MGAT4C: variants seen among roughly 807,000 people sequenced by gnomAD.
MGAT4C encodes alpha-1,3-mannosyl-glycoprotein 4-beta-N-acetylglucosaminyltransferase C.
A neutral mutation model predicts 40.1 loss-of-function variants in MGAT4C; 19 were observed. The observed-to-expected ratio is 0.47, with a 90% confidence interval of 0.33 to 0.70. The LOEUF (loss-of-function observed/expected upper bound fraction) is 0.70, where lower values mean the gene tolerates loss of function less well. Ranked by LOEUF, MGAT4C falls within the 30% of genes least tolerant of loss-of-function variation. The probability of loss-of-function intolerance (pLI) is 0.02; values close to 1 mark genes in which losing one functional copy is unlikely to be tolerated. For missense variants in MGAT4C, 491 were observed against 563.2 expected (o/e 0.87, Z 1.30); for synonymous variants, 181 against 187.1 (o/e 0.97, Z 0.27).
chr12:86,190,301 G>A (rs899451001), intron 1 of MGAT4C, among the ~76,000 whole-genome samples: 3 of 152,058 alleles, frequency 2.0e-5, no homozygotes, highest in African/African-American at 7.2e-5. Context: ...GAAAGATTAT[G>A]TCATTCAATA....
intron 1 of MGAT4C, among the ~76,000 whole-genome samples, chr12:86,812,419 ATTTG>A (rs924073830): frequency 6.6e-6 from 1 of 151,528 alleles, no homozygotes; most frequent in African/African-American, 2.4e-5. Flanking sequence ...ATATTTGTGG[ATTTG>A]TTTTTTACTT....
intron 2 of MGAT4C, among the ~76,000 whole-genome samples, chr12:86,491,339 C>A (rs1030339667): frequency 6.6e-6 from 1 of 151,644 alleles, no homozygotes; most frequent in African/African-American, 2.4e-5. Flanking sequence ...AGAGACACAA[C>A]CAAAAAAAAG....
At chr12:86,390,181 T>C (rs1956138529) in intron 3 of MGAT4C, among the ~76,000 whole-genome samples, 1 of 152,180 alleles carries the variant, frequency 6.6e-6, no homozygotes, top group Admixed American at 6.5e-5. Flanking sequence ...GAGACACTGT[T>C]GACTCACAGC....
chr12:86,171,052 T>C (rs868628593), intron 1 of MGAT4C, among the ~76,000 whole-genome samples: 4 of 151,774 alleles, frequency 2.6e-5, no homozygotes, highest in African/African-American at 9.7e-5. Flanking sequence ...CTTTTCAATA[T>C]CCATGATGCA....
chr12:86,470,428 G>A (rs1029509317), intron 2 of MGAT4C, among the ~76,000 whole-genome samples: 3 of 152,078 alleles, frequency 2.0e-5, no homozygotes, highest in African/African-American at 7.2e-5. Context: ...AAGGATGAGA[G>A]AGAAATAAGA....
Position 86,561,812 on chromosome 12 carries a change from G to A in MGAT4C, c.-228-126547C>T, listed in dbSNP as rs377748433. Among the ~76,000 whole-genome samples, 11 of 152,168 alleles carry A rather than the reference G, an allele frequency of 7.2e-5. No homozygotes were observed. The East Asian group carries it at 7.7e-4, about 11-fold the overall frequency. ...ACTAATACAGATTTTGGTACCAGGC[G>A]TGTTTCTAGAGAAACCAACTTTTAA... On this transcript the variant is annotated intron_variant, in intron 2 of 7. Transcript: ENST00000548651.
rs1290451806 is a variant in MGAT4C, at chr12:86,110,270, ATATATATAGTC to A, written c.-56-60558_-56-60548del. ...CAATAAATGAATATATATATAGACT[ATATATATAGTC>A]TATATATATATAGTCTCTCTATATA... is the stretch of plus-strand genomic sequence containing the variant. On this transcript the variant is annotated intron_variant, in intron 1 of 4. Coordinates refer to ENST00000611864, the MANE Select transcript of MGAT4C (RefSeq NM_001351288.2). Among the ~76,000 whole-genome samples the A allele has an allele frequency of 1.6e-4, 13 of 82,348 alleles. 1 individual carries two copies. Among genetic ancestry groups the A allele is most frequent in the African/African-American group, 6.5e-4 (12 of 18,592 alleles). The allele number at this position is 82,348 out of a possible 152,430, so 54.0% of individuals were successfully genotyped here. A position where few individuals can be genotyped will look rare whatever the true frequency, so the allele number is the denominator to read the frequency against.
intron 2 of MGAT4C, among the ~76,000 whole-genome samples, chr12:86,584,984 T>C (rs1330542496): frequency 1.3e-5 from 2 of 151,418 alleles, no homozygotes; most frequent in African/African-American, 2.4e-5. Context: ...CCATGTGTAT[T>C]TGTCAATTAG....
intron 3 of MGAT4C, among the ~76,000 whole-genome samples, chr12:86,336,509 T>C (rs1309153382): frequency 1.3e-5 from 2 of 152,170 alleles, no homozygotes; most frequent in Non-Finnish European, 2.9e-5. Context: ...ACAAGACTGA[T>C]ACAAATAATT....
Position 86,297,179 on chromosome 12 carries a change from A to G in MGAT4C, c.-57+36886T>C, listed in dbSNP as rs149725293. On this transcript the variant is annotated intron_variant, in intron 4 of 7. Transcript: ENST00000548651. The stretch of plus-strand genomic sequence containing the variant: ...GTAATACTTTATTTTCACCATTGAC[A>G]AGGTGACTTAGGCTTTCGAATCCTA... Among the ~76,000 whole-genome samples, 266 of 152,310 alleles carry G rather than the reference A, an allele frequency of 1.7e-3. 4 individuals are homozygous for G. The highest frequency in any genetic ancestry group is 6.1e-3 in the African/African-American group (253 of 41,572).
At chr12:86,358,423 C>G (rs985758116) in intron 3 of MGAT4C, among the ~76,000 whole-genome samples, 3 of 152,078 alleles carry the variant, frequency 2.0e-5, no homozygotes, top group African/African-American at 7.2e-5. Flanking sequence ...CATCAACTAA[C>G]AAGCAAAATA....
At chr12:86,244,659 G>A (rs1199542597) in intron 1 of MGAT4C, among the ~76,000 whole-genome samples, 1 of 152,086 alleles carries the variant, frequency 6.6e-6, no homozygotes, top group African/African-American at 2.4e-5. Flanking sequence ...AGAAGGCAAT[G>A]GTCAATTTAA....
intron 4 of MGAT4C, among the ~76,000 whole-genome samples, chr12:86,284,076 A>T (rs1468922613): frequency 6.6e-6 from 1 of 152,080 alleles, no homozygotes; most frequent in Non-Finnish European, 1.5e-5. Flanking sequence ...TCTAAGCTAA[A>T]TGCACTGGCT....
chr12:86,473,962 AT>A (rs1342914997), intron 2 of MGAT4C, among the ~76,000 whole-genome samples: 1 of 152,054 alleles, frequency 6.6e-6, no homozygotes, highest in African/African-American at 2.4e-5. Context: ...GAAAAGCAAG[AT>A]TGTGTCACAG....
chr12:86,799,055 G>T (rs1259796392), intron 1 of MGAT4C, among the ~76,000 whole-genome samples: 1 of 151,742 alleles, frequency 6.6e-6, no homozygotes, highest in Non-Finnish European at 1.5e-5. Context: ...AGCAAAGTCT[G>T]TTATATATTA....
intron 1 of MGAT4C, among the ~76,000 whole-genome samples, chr12:86,769,112 C>A (rs1290422179): frequency 2.0e-5 from 3 of 152,148 alleles, no homozygotes; most frequent in Non-Finnish European, 4.4e-5. Flanking sequence ...TTTCTGCAAC[C>A]TACCTATCTG....
At chr12:86,646,588 C>T (rs561896649) in intron 2 of MGAT4C, among the ~76,000 whole-genome samples, 62 of 151,854 alleles carry the variant, frequency 4.1e-4, no homozygotes, top group African/African-American at 1.3e-3. Flanking sequence ...ACATTTTATG[C>T]GGCCCTGGCT....
At chr12:86,484,850 G>A (rs1957992404) in intron 2 of MGAT4C, among the ~76,000 whole-genome samples, 1 of 152,136 alleles carries the variant, frequency 6.6e-6, no homozygotes, top group South Asian at 2.1e-4. Context: ...GGTGAGTGGG[G>A]TCAGGTCTTT....
chr12:86,165,594 C>T (rs1886095621), intron 1 of MGAT4C, among the ~76,000 whole-genome samples: 1 of 152,052 alleles, frequency 6.6e-6, no homozygotes, highest in African/African-American at 2.4e-5. Flanking sequence ...CTCAAATTAC[C>T]TTTTGCTTTC....
Sources: gnomAD v4.1 joint callset for allele counts (sites outside exome capture counted in the v4.1 genomes callset) on GRCh38, gnomAD v4.1.1 for gene constraint, MANE v1.5 for transcripts, NCBI Gene and HGNC (gene_info 2026-07-23, HGNC 2026-07-21) for gene names.